The following CLSTN1 variants were observed in gnomAD, a reference collection of about 807,000 sequenced individuals.
The protein encoded by CLSTN1 is calsyntenin-1.
Under a neutral mutation model 108.3 loss-of-function variants are expected in CLSTN1, and 28 were observed. That is an observed-to-expected ratio of 0.26 (90% CI 0.19 to 0.35). CLSTN1 has a LOEUF of 0.35. Ranked by LOEUF, CLSTN1 falls within the 10% of genes least tolerant of loss-of-function variation. The pLI, the probability that CLSTN1 is intolerant of heterozygous loss-of-function variation, is 1.00. For missense variants in CLSTN1, 1,157 were observed against 1,302.6 expected, an observed-to-expected ratio of 0.89 and a Z score of 1.72; for synonymous variants, 524 against 534.9, an observed-to-expected ratio of 0.98 and a Z score of 0.28.
intron 1 of CLSTN1, among the ~76,000 whole-genome samples, chr1:9,776,136 T>C (rs1195979809): frequency 1.3e-5 from 2 of 151,850 alleles, no homozygotes; most frequent in Admixed American, 1.3e-4. Context: ...CCACGCTCAG[T>C]TTCTGTATTT....
chr1:9,744,260 C>A, intron 8 of CLSTN1, 135 bp downstream of exon 8: 1 of 1,331,968 alleles, frequency 7.5e-7, no homozygotes, highest in Non-Finnish European at 1.0e-6. Context: ...CCAAGTGCCC[C>A]AGGCACACAG....
At chr1:9,737,803 A>G (rs1361039610) in intron 10 of CLSTN1, among the ~76,000 whole-genome samples, 4 of 151,978 alleles carry the variant, frequency 2.6e-5, no homozygotes, top group Middle Eastern at 3.4e-3. Context: ...TTGCCAAAAC[A>G]TATGTTAGAT....
In CLSTN1 at chr1:9,730,207, C is replaced by G; in HGVS notation, c.*301G>C. On this transcript the variant is annotated 3_prime_UTR_variant, in exon 19 of 19. Coordinates refer to ENST00000377298, the MANE Select transcript of CLSTN1 (RefSeq NM_001009566.3). This position sits in a 1 kb window ranked among gnomAD's most constrained non-coding sequence, Gnocchi z 5.6. ...CTGGAGTGCGAGGGGCCAGTGTCCT[C>G]TCCCCGGGGGGAGACTCCAGACACA... The G allele has an allele frequency of 2.1e-6, 1 of 474,268 alleles. No individual in the cohort carries two copies. Among genetic ancestry groups the G allele is most frequent in the Admixed American group, 3.3e-5 (1 of 29,872 alleles). The allele number at this position is 474,268 out of a possible 1,614,324, so 29.4% of individuals were successfully genotyped here.
At chr1:9,749,432 C>T in intron 7 of CLSTN1, 29 bp downstream of exon 7, 3 of 1,580,682 alleles carry the variant, frequency 1.9e-6, no homozygotes, top group Non-Finnish European at 2.6e-6. Flanking sequence ...CCAAAGCCAG[C>T]CGGATGCAAG....
chr1:9,743,601 G>A (rs1651089402), intron 9 of CLSTN1, among the ~76,000 whole-genome samples: 1 of 152,128 alleles, frequency 6.6e-6, no homozygotes, highest in Non-Finnish European at 1.5e-5. Context: ...AGGCTGGAGT[G>A]AAGTGGCACA....
intron 1 of CLSTN1, among the ~76,000 whole-genome samples, chr1:9,805,014 C>T (rs1368104157): frequency 6.6e-6 from 1 of 151,468 alleles, no homozygotes; most frequent in Non-Finnish European, 1.5e-5. Flanking sequence ...CCCAGCTACT[C>T]GGGAGTGAGG....
intron 1 of CLSTN1, chr1:9,781,213 A>G: frequency 2.6e-6 from 2 of 776,036 alleles, no homozygotes; most frequent in Non-Finnish European, 4.5e-6. Context: ...CTGAAGCACT[A>G]AAGGCTGCTG....
At chr1:9,762,400 G>A (rs1652116474) in intron 2 of CLSTN1, among the ~76,000 whole-genome samples, 1 of 151,780 alleles carries the variant, frequency 6.6e-6, no homozygotes, top group African/African-American at 2.4e-5. Flanking sequence ...GGCAGAAGTT[G>A]CAGTGAGCCG....
At chr1:9,769,872 T>C (rs1384595903) in intron 2 of CLSTN1, among the ~76,000 whole-genome samples, 3 of 151,230 alleles carry the variant, frequency 2.0e-5, no homozygotes, top group Non-Finnish European at 2.9e-5. Flanking sequence ...CTACTAAAAA[T>C]ACAAAAAATT....
intron 7 of CLSTN1, among the ~76,000 whole-genome samples, 179 bp from the exon 8 acceptor site, chr1:9,744,822 C>T (rs1651176561): frequency 6.6e-6 from 1 of 151,342 alleles, no homozygotes. Flanking sequence ...GGCGCGATCT[C>T]GGTTCATTGC....
At position 9,730,414 on chromosome 1, in the gene CLSTN1, G is replaced by A. The variant is rs1029582642; in HGVS notation, c.*94C>T. On this transcript the variant is annotated 3_prime_UTR_variant, in exon 19 of 19. Coordinates refer to ENST00000377298, the MANE Select transcript of CLSTN1 (RefSeq NM_001009566.3). The surrounding 1 kb of genome is among the most constrained non-coding windows in gnomAD (Gnocchi z 5.6). ...GGAGGGGTCTGCACACCTACTGGCC[G>A]AAATGACTTTGTACATCGTGGACCC... 2.9e-5 allele frequency: 36 copies of A among 1,252,744 alleles called. No homozygotes were observed. Among genetic ancestry groups the A allele is most frequent in the East Asian group, 4.6e-5 (2 of 43,080 alleles). 77.6% of individuals were successfully genotyped at this position (1,252,744 alleles called of 1,614,324 possible).
chr1:9,766,743 C>T (rs748897964), intron 2 of CLSTN1, among the ~76,000 whole-genome samples: 4 of 152,162 alleles, frequency 2.6e-5, no homozygotes, highest in Non-Finnish European at 5.9e-5. Context: ...AAAGAGAAGG[C>T]GCAGAACAAG....
In CLSTN1 at chr1:9,751,569, C is replaced by A. The variant is rs1452329860; in HGVS notation, c.553G>T (p.Val185Leu). The A allele has an allele frequency of 6.2e-7, 1 of 1,614,194 alleles. No individual in the cohort carries two copies. Among genetic ancestry groups the A allele is most frequent in the African/African-American group, 1.3e-5 (1 of 75,054 alleles). ...EGKQYDSILR[V>L]EAVDADCSPQ... ...GAGCAGTCGGCATCCACGGCCTCCA[C>A]CCTCAAAATGCTGTCGTACTGCTTC... Residue 185 changes from valine to leucine, a missense_variant, in exon 5 of 19, where the codon GTG (valine) becomes TTG (leucine). Coordinates refer to ENST00000377298, the MANE Select transcript of CLSTN1 (RefSeq NM_001009566.3).
At chr1:9,807,177 TTTAACG>T (rs759734106) in intron 1 of CLSTN1, among the ~76,000 whole-genome samples, 78 of 151,986 alleles carry the variant, frequency 5.1e-4, no homozygotes, top group Admixed American at 3.3e-3. Context: ...ACGAAACCTG[TTTAACG>T]TTAACAGCGC....
intron 7 of CLSTN1, among the ~76,000 whole-genome samples, chr1:9,745,043 C>A (rs191211432): frequency 1.3e-5 from 2 of 152,164 alleles, no homozygotes; most frequent in African/African-American, 2.4e-5. Context: ...TGAGCCACCA[C>A]GCTTGGCCCT....
intron 4 of CLSTN1, among the ~76,000 whole-genome samples, chr1:9,754,328 G>A (rs1349380114): frequency 6.6e-6 from 1 of 151,904 alleles, no homozygotes; most frequent in African/African-American, 2.4e-5. Flanking sequence ...TTGGGAGGCC[G>A]AGGCAGGTGA....
In CLSTN1 at chr1:9,749,477, G is replaced by T. The variant is rs1253226166; in HGVS notation, c.969C>A (p.Ser323=). 1 of 1,611,794 alleles carries T rather than the reference G, an allele frequency of 6.2e-7. No homozygotes were observed. Among genetic ancestry groups the T allele is most frequent in the Admixed American group, 1.7e-5 (1 of 58,926 alleles). Residue 323 remains serine, a synonymous_variant, in exon 7 of 19, where the codon TCC becomes TCA. Transcript: ENST00000377298. ...GCDRDTYSEK[S]LHRLCGAAAG... is the part of the protein sequence containing the mutation. ...TCTCCTTACCACAGAGCCGGTGGAGGGACTTCTCTGAGTAGGTGTCTCGGT... is the reference window on the plus strand; with the variant it reads ...TCTCCTTACCACAGAGCCGGTGGAGTGACTTCTCTGAGTAGGTGTCTCGGT...
chr1:9,745,132 G>A lies in CLSTN1; in HGVS notation c.986-489C>T, dbSNP rs72871234. On this transcript the variant is annotated intron_variant, in intron 7 of 18. Coordinates refer to ENST00000377298, the MANE Select transcript of CLSTN1 (RefSeq NM_001009566.3). ...ACAACCATGGATTTGTTTAAGGAAG[G>A]GAAAGGGCCAGGCGTGAACCCGGGA... Among the ~76,000 whole-genome samples the A allele has an allele frequency of 9.8e-3, 1,496 of 151,946 alleles. 20 individuals are homozygous for A. Among genetic ancestry groups the A allele is most frequent in the African/African-American group, 0.035 (1,446 of 41,408 alleles).
intron 15 of CLSTN1, 143 bp from the exon 16 acceptor site, chr1:9,733,689 G>T: frequency 1.0e-6 from 1 of 972,666 alleles, no homozygotes; most frequent in Non-Finnish European, 1.5e-6. Context: ...TTCTAGCCAT[G>T]GGAATAAATG....
Sources: gnomAD v4.1 joint callset for allele counts (sites outside exome capture counted in the v4.1 genomes callset) on GRCh38, gnomAD v4.1.1 for gene constraint, Gnocchi (gnomAD v3.1) non-coding constraint, MANE v1.5 for transcripts, NCBI Gene and HGNC (gene_info 2026-07-23, HGNC 2026-07-21) for gene names.